Variants in QKI observed in about 807,000 individuals in gnomAD.
QKI encodes KH domain-containing RNA-binding protein QKI.
A neutral mutation model predicts 39.0 loss-of-function variants in QKI; 10 were observed. The observed-to-expected ratio is 0.26, with a 90% CI of 0.16 to 0.43. The LOEUF is 0.43. QKI is among the 20% of genes least tolerant of loss of function. The pLI is 1.00. For synonymous variants in QKI, 204 were observed against 155.4 expected (o/e 1.31, Z -2.33); for missense variants, 218 against 428.0 (o/e 0.51, Z 4.33).
At position 163,479,241 on chromosome 6, in the gene QKI, C is replaced by T. The variant is rs547525074; in HGVS notation, c.402+345C>T. ...GAGGCAGAGATTTCAGATTGTGCCACTGCACTCCAGCCTGGGCAACAGGAG... is the reference window on the plus strand; with the variant it reads ...GAGGCAGAGATTTCAGATTGTGCCATTGCACTCCAGCCTGGGCAACAGGAG... On this transcript the variant is annotated intron_variant, in intron 3 of 7. Coordinates refer to ENST00000361752, the MANE Select transcript of QKI (RefSeq NM_006775.3). Among the ~76,000 whole-genome samples the T allele has an allele frequency of 2.6e-5, 4 of 152,102 alleles. No individual in the cohort carries two copies. In the South Asian group the frequency reaches 8.3e-4, roughly 31 times the overall value.
chr6:163,527,531 AG>A (rs1780589232), intron 3 of QKI, among the ~76,000 whole-genome samples: 1 of 152,102 alleles, frequency 6.6e-6, no homozygotes, highest in Non-Finnish European at 1.5e-5. Context: ...TGCATAATTA[AG>A]AGAGTCTGTC....
chr6:163,505,703 A>G (rs1434305241), intron 3 of QKI, among the ~76,000 whole-genome samples: 1 of 152,134 alleles, frequency 6.6e-6, no homozygotes. Flanking sequence ...CTTGTTTTTG[A>G]TTCTACAGGC....
At chr6:163,542,889 T>C (rs150375958) in intron 4 of QKI, among the ~76,000 whole-genome samples, 69 of 152,188 alleles carry the variant, frequency 4.5e-4, no homozygotes, top group African/African-American at 1.6e-3. Context: ...AGGATTATTA[T>C]GACATTTGAA....
In QKI at chr6:163,574,834, AT is replaced by A. The variant is rs1219938102; in HGVS notation, c.*4128del. ...ATAACAATTTATCTTTGTAAATTACATTTTATTTATTTAGAGTTCTAAAATT... is the reference window on the plus strand; with the variant it reads ...ATAACAATTTATCTTTGTAAATTACATTTATTTATTTAGAGTTCTAAAATT... On this transcript the variant is annotated 3_prime_UTR_variant, in exon 8 of 8. Coordinates refer to ENST00000361752, the MANE Select transcript of QKI (RefSeq NM_006775.3). 1 of 152,234 alleles carries A rather than the reference AT, an allele frequency of 6.6e-6. No homozygotes were observed. The highest frequency in any genetic ancestry group is 2.4e-5 in the African/African-American group (1 of 41,462). The allele number at this position is 152,234 out of a possible 1,614,324, so 9.4% of individuals were successfully genotyped here. A position where few individuals can be genotyped will look rare whatever the true frequency, so the allele number is the denominator to read the frequency against.
chr6:163,415,179 T>A lies in QKI; in HGVS notation c.-15T>A, dbSNP rs1281085931. The stretch of plus-strand genomic sequence containing the variant: ...GGCGGCGGCGGCGGGCGGAGTGAGC[T>A]GCGGAGCCTGGAATATGGTCGGGGA... On this transcript the variant is annotated 5_prime_UTR_variant, in exon 1 of 8. Coordinates refer to ENST00000361752, the MANE Select transcript of QKI (RefSeq NM_006775.3). The A allele has an allele frequency of 1.3e-6, 2 of 1,527,548 alleles. No individual in the cohort carries two copies. Among genetic ancestry groups the A allele is most frequent in the Admixed American group, 3.7e-5 (2 of 54,588 alleles). 94.6% of individuals were successfully genotyped at this position (1,527,548 alleles called of 1,614,324 possible).
intron 1 of QKI, among the ~76,000 whole-genome samples, chr6:163,447,600 A>G (rs994669686): frequency 2.0e-5 from 3 of 152,136 alleles, no homozygotes; most frequent in African/African-American, 4.8e-5. Context: ...GATTGAGGAC[A>G]TAACGATATT....
intron 3 of QKI, among the ~76,000 whole-genome samples, chr6:163,495,172 C>T (rs760220771): frequency 2.0e-5 from 3 of 152,142 alleles, no homozygotes; most frequent in Non-Finnish European, 4.4e-5. Flanking sequence ...GCCTCGGCCT[C>T]CCAAAGTGCT....
At chr6:163,488,329 CAAAA>C (rs1278631126) in intron 3 of QKI, among the ~76,000 whole-genome samples, 3 of 146,688 alleles carry the variant, frequency 2.0e-5, no homozygotes, top group Admixed American at 6.8e-5. Context: ...CAAAAAGTGA[CAAAA>C]AAAAAGAGAG....
At chr6:163,454,341 A>T (rs1273985517) in intron 1 of QKI, among the ~76,000 whole-genome samples, 9 of 152,204 alleles carry the variant, frequency 5.9e-5, no homozygotes. Context: ...CAAGAACAGT[A>T]ATACAGGTCT....
At chr6:163,425,901 T>A (rs927134590) in intron 1 of QKI, among the ~76,000 whole-genome samples, 1 of 152,190 alleles carries the variant, frequency 6.6e-6, no homozygotes, top group Non-Finnish European at 1.5e-5. Flanking sequence ...TTGTCCCAAT[T>A]TCAGAGATCC....
rs559811160 is a variant in QKI, at chr6:163,437,115, A to G, written c.143-18164A>G. 4.6e-5 allele frequency among the ~76,000 whole-genome samples: 7 copies of G among 152,312 alleles called. 1 individual carries two copies. The South Asian group carries it at 1.4e-3, about 32-fold the overall frequency. On this transcript the variant is annotated intron_variant, in intron 1 of 7. Transcript: ENST00000361752. Reference sequence around the variant, plus strand: ...GTGGCAAGTTGAGAATTCAGAGGTAAAGCCTTTGTGAGAGAGATGATGTAG... The same window carrying G: ...GTGGCAAGTTGAGAATTCAGAGGTAGAGCCTTTGTGAGAGAGATGATGTAG...
At position 163,568,638 on chromosome 6, in the gene QKI, T is replaced by A. The variant is rs1295776817; in HGVS notation, c.1009+1843T>A. The A allele has an allele frequency of 2.2e-5, 21 of 975,830 alleles. No homozygotes were observed. In the South Asian group the frequency reaches 3.8e-4, roughly 18 times the overall value. The allele number at this position is 975,830 out of a possible 1,614,324, so 60.4% of individuals were successfully genotyped here. On this transcript the variant is annotated intron_variant, in intron 7 of 7. Transcript: ENST00000361752. ...TCTATTTTTGAGGTTAAAATTATTT[T>A]AAAAAAATATTTTGAAGAGAAGTTT...
intron 6 of QKI, chr6:163,563,996 T>C (rs371045329): frequency 2.4e-6 from 3 of 1,258,270 alleles, no homozygotes; most frequent in African/African-American, 3.0e-5. Flanking sequence ...CATTTGACAT[T>C]ACTGAGGTCA....
intron 4 of QKI, 86 bp downstream of exon 4, chr6:163,535,211 A>AGGT (rs2128241332): frequency 7.7e-7 from 1 of 1,304,918 alleles, no homozygotes; most frequent in Non-Finnish European, 1.0e-6. Context: ...TATAAGGAAT[A>AGGT]GGTTATTGGT....
chr6:163,464,711 T>C (rs1185884873), intron 2 of QKI, among the ~76,000 whole-genome samples: 3 of 152,020 alleles, frequency 2.0e-5, no homozygotes, highest in African/African-American at 7.2e-5. Context: ...TCCCAACAAA[T>C]AGAAGCCCAA....
intron 1 of QKI, 60 bp from the exon 2 acceptor site, chr6:163,455,219 C>G: frequency 7.0e-7 from 1 of 1,431,670 alleles, no homozygotes; most frequent in African/African-American, 1.4e-5. Context: ...CTCTTTTTTC[C>G]TCTGGACTAG....
chr6:163,525,956 TTTTG>T (rs780564704), intron 3 of QKI, among the ~76,000 whole-genome samples: 98 of 152,348 alleles, frequency 6.4e-4, no homozygotes, highest in African/African-American at 1.6e-3. Context: ...CCTATATGTT[TTTTG>T]TTTGTTTGTT....
intron 1 of QKI, among the ~76,000 whole-genome samples, chr6:163,434,512 G>A (rs1332445823): frequency 3.9e-5 from 6 of 151,912 alleles, no homozygotes; most frequent in Admixed American, 2.6e-4. Context: ...TCAGGAGATC[G>A]AGACCATCCT....
chr6:163,568,406 C>T (rs1019253493), intron 7 of QKI: 1 of 984,720 alleles, frequency 1.0e-6, no homozygotes, highest in Non-Finnish European at 1.2e-6. Flanking sequence ...AAAATTACGA[C>T]ACATTCCATG....
Sources: allele counts gnomAD v4.1 joint callset (sites outside exome capture counted in the v4.1 genomes callset), GRCh38; gene constraint gnomAD v4.1.1; transcripts MANE v1.5; gene names NCBI Gene and HGNC (gene_info 2026-07-23, HGNC 2026-07-21).